The following NELL2 variants were observed in gnomAD, a reference collection of about 807,000 sequenced individuals.
The protein encoded by NELL2 is neural EGFL like 2, also known as protein kinase C-binding protein NELL2.
NELL2 carries 41 observed loss-of-function variants against 109.6 expected under a neutral mutation model. That is an observed-to-expected ratio of 0.37 (90% CI 0.29 to 0.49). The LOEUF is 0.49. NELL2 is among the 20% of genes least tolerant of loss of function. The probability of loss-of-function intolerance (pLI) is 0.98; values close to 1 mark genes in which losing one functional copy is unlikely to be tolerated. For synonymous variants in NELL2, 355 were observed against 344.7 expected (o/e 1.03, Z -0.33); for missense variants, 900 against 1,008.3 (o/e 0.89, Z 1.45).
chr12:44,918,364 G>A (rs1439314855), upstream of NELL2, among the ~76,000 whole-genome samples: 2 of 152,086 alleles, frequency 1.3e-5, no homozygotes, highest in Admixed American at 6.5e-5. Flanking sequence ...CCTGAAGCTC[G>A]TGTTAACTCC....
chr12:44,811,803 A>T (rs1373418095), intron 3 of NELL2, among the ~76,000 whole-genome samples: 1 of 152,114 alleles, frequency 6.6e-6, no homozygotes, highest in Non-Finnish European at 1.5e-5. Flanking sequence ...TAATAATATT[A>T]ATGTTCATTT....
At chr12:44,575,859 A>T (rs115265553) in intron 15 of NELL2, among the ~76,000 whole-genome samples, 2,175 of 152,256 alleles carry the variant, frequency 0.014, 40 homozygotes, top group African/African-American at 0.049. Context: ...TCTTTGAGTA[A>T]CTCAAATCTG....
At chr12:44,880,021 GA>G (rs1419564535), upstream of NELL2, among the ~76,000 whole-genome samples, 1 of 151,404 alleles carries the variant, frequency 6.6e-6, no homozygotes, top group Non-Finnish European at 1.5e-5. Context: ...TACACAAGAA[GA>G]AAATTCCTGC....
chr12:44,522,501 T>A (rs560298215), intron 17 of NELL2, among the ~76,000 whole-genome samples: 1 of 152,190 alleles, frequency 6.6e-6, no homozygotes, highest in African/African-American at 2.4e-5. Context: ...TATATTAGTA[T>A]GGTAAGTTGC....
chr12:44,625,858 G>A (rs1393188827), intron 13 of NELL2, among the ~76,000 whole-genome samples: 4 of 152,012 alleles, frequency 2.6e-5, no homozygotes, highest in Non-Finnish European at 5.9e-5. Flanking sequence ...GAATTGGGTT[G>A]AAACACTGAA....
chr12:44,692,137 TTGACTC>T (rs1265721972), intron 12 of NELL2, among the ~76,000 whole-genome samples: 4 of 152,194 alleles, frequency 2.6e-5, no homozygotes, highest in Admixed American at 2.6e-4. Context: ...CAAGGAGAGG[TTGACTC>T]TCTTGTTAGG....
chr12:44,752,010 T>C (rs905121074), intron 9 of NELL2, among the ~76,000 whole-genome samples: 12 of 151,728 alleles, frequency 7.9e-5, no homozygotes, highest in African/African-American at 2.9e-4. Flanking sequence ...AGTTTACAAA[T>C]TTGTGTTGGG....
intron 13 of NELL2, among the ~76,000 whole-genome samples, chr12:44,616,081 A>G (rs1945813629): frequency 6.6e-6 from 1 of 152,098 alleles, no homozygotes; most frequent in Admixed American, 6.5e-5. Context: ...CCCTAGAAAC[A>G]CTGTGCATTG....
intron 9 of NELL2, among the ~76,000 whole-genome samples, chr12:44,762,945 A>G (rs1319449360): frequency 1.3e-5 from 2 of 152,182 alleles, no homozygotes; most frequent in Non-Finnish European, 2.9e-5. Flanking sequence ...TATGCCTAGA[A>G]CAATCATTCC....
At chr12:44,548,106 A>G (rs1045620849) in intron 15 of NELL2, among the ~76,000 whole-genome samples, 1 of 152,154 alleles carries the variant, frequency 6.6e-6, no homozygotes, top group South Asian at 2.1e-4. Flanking sequence ...CCTGGTACAC[A>G]TTAGTCCTCA....
At chr12:44,730,841 G>T (rs1566257367) in intron 9 of NELL2, among the ~76,000 whole-genome samples, 1 of 151,940 alleles carries the variant, frequency 6.6e-6, no homozygotes, top group Non-Finnish European at 1.5e-5. Context: ...CATAAGGGTT[G>T]TTTTTTAAAA....
chr12:44,805,450 A>C (rs1942967679), intron 3 of NELL2, among the ~76,000 whole-genome samples: 1 of 151,898 alleles, frequency 6.6e-6, no homozygotes, highest in Admixed American at 6.6e-5. Context: ...ATTGATGGAG[A>C]TTTGAGGTGA....
At chr12:44,686,996 G>T (rs559753291) in intron 12 of NELL2, among the ~76,000 whole-genome samples, 10 of 152,280 alleles carry the variant, frequency 6.6e-5, no homozygotes, top group African/African-American at 2.2e-4. Context: ...GGGCAATGGT[G>T]GGCGCCCCTC....
intron 12 of NELL2, among the ~76,000 whole-genome samples, chr12:44,696,956 C>G (rs1246326426): frequency 6.6e-6 from 1 of 152,110 alleles, no homozygotes; most frequent in Admixed American, 6.6e-5. Flanking sequence ...ATAAATAACA[C>G]AGTATATAAT....
intron 13 of NELL2, among the ~76,000 whole-genome samples, chr12:44,646,348 G>A (rs1947095484): frequency 1.3e-5 from 2 of 152,144 alleles, no homozygotes; most frequent in Non-Finnish European, 2.9e-5. Context: ...GAGTGATCTT[G>A]TAGACAGTAC....
intron 2 of NELL2, among the ~76,000 whole-genome samples, chr12:44,852,882 G>A (rs939977631): frequency 6.6e-6 from 1 of 152,100 alleles, no homozygotes; most frequent in Non-Finnish European, 1.5e-5. Context: ...GCAGCAAAGG[G>A]ATGAAAATGT....
At chr12:44,747,975 G>C (rs1157453903) in intron 9 of NELL2, among the ~76,000 whole-genome samples, 1 of 152,130 alleles carries the variant, frequency 6.6e-6, no homozygotes, top group Admixed American at 6.6e-5. Flanking sequence ...AAGGCAAGTG[G>C]TCTTGCATCA....
At chr12:44,582,771 A>C (rs1944367870) in intron 15 of NELL2, among the ~76,000 whole-genome samples, 1 of 152,144 alleles carries the variant, frequency 6.6e-6, no homozygotes. Flanking sequence ...TGTCACTCAA[A>C]GTTCATATGT....
rs1267954362 is a variant in NELL2 at position 44,782,034 on chromosome 12, T to C, written c.336-2012A>G. On this transcript the variant is annotated intron_variant, in intron 3 of 19. Transcript: ENST00000429094. ...TTTCCTTCTCCTCTTTTCTAAAGTATGTTTGACAACTGAAGCAACAGCTCA... is the reference window on the plus strand; with the variant it reads ...TTTCCTTCTCCTCTTTTCTAAAGTACGTTTGACAACTGAAGCAACAGCTCA... Among the ~76,000 whole-genome samples, 3 of 152,042 alleles carry C rather than the reference T, an allele frequency of 2.0e-5. No homozygotes were observed. In the East Asian group the frequency reaches 5.8e-4, roughly 29 times the overall value.
Sources: allele counts gnomAD v4.1 joint callset (sites outside exome capture counted in the v4.1 genomes callset), GRCh38; gene constraint gnomAD v4.1.1; transcripts MANE v1.5; gene names NCBI Gene and HGNC (gene_info 2026-07-23, HGNC 2026-07-21).